DIPK1A: variants seen among roughly 807,000 people sequenced by gnomAD.
DIPK1A encodes the protein family with sequence similarity 69 member A.
Under a neutral mutation model 40.8 loss-of-function variants are expected in DIPK1A, and 27 were observed. That is an observed-to-expected ratio of 0.66 (90% CI 0.49 to 0.91). DIPK1A has a LOEUF of 0.91. DIPK1A is among the 40% of genes least tolerant of loss of function. The pLI is 0.00. For missense variants in DIPK1A, 412 were observed against 505.7 expected (o/e 0.81, Z 1.78); for synonymous variants, 166 against 171.3 (o/e 0.97, Z 0.24).
intron 1 of DIPK1A, chr1:92,932,120 A>G: frequency 3.5e-6 from 1 of 286,398 alleles, no homozygotes; most frequent in Non-Finnish European, 7.4e-6. Context: ...AGAATCTACG[A>G]GCTCGCAAAT....
intron 1 of DIPK1A, among the ~76,000 whole-genome samples, chr1:92,919,462 G>T (rs1237002752): frequency 6.6e-6 from 1 of 151,822 alleles, no homozygotes; most frequent in Non-Finnish European, 1.5e-5. Flanking sequence ...TTCTTCTTTC[G>T]AAGTACCTTT....
At chr1:92,834,657 A>T in intron 4 of DIPK1A, 1 of 1,332,414 alleles carries the variant, frequency 7.5e-7, no homozygotes, top group Non-Finnish European at 1.1e-6. Context: ...TAAGAGTCTT[A>T]AGCATTTTAA....
intron 1 of DIPK1A, among the ~76,000 whole-genome samples, chr1:92,953,516 G>A (rs1337173936): frequency 4.6e-5 from 7 of 152,118 alleles, no homozygotes; most frequent in East Asian, 1.9e-4. Flanking sequence ...AATGTTCATC[G>A]ACTAATGAAT....
At chr1:92,891,535 A>C (rs1277112716) in intron 1 of DIPK1A, among the ~76,000 whole-genome samples, 2 of 152,160 alleles carry the variant, frequency 1.3e-5, no homozygotes, top group African/African-American at 4.8e-5. Context: ...GGGTGGAGCC[A>C]AGATGGCCGA....
intron 1 of DIPK1A, among the ~76,000 whole-genome samples, chr1:92,927,825 T>C (rs763465931): frequency 1.3e-5 from 2 of 152,250 alleles, no homozygotes; most frequent in African/African-American, 2.4e-5. Context: ...TCCCACTGTA[T>C]GGATATACCA....
intron 3 of DIPK1A, among the ~76,000 whole-genome samples, chr1:92,850,127 C>T (rs1687769530): frequency 6.6e-6 from 1 of 152,006 alleles, no homozygotes; most frequent in African/African-American, 2.4e-5. Context: ...TGTGCCACCA[C>T]ACCTGGCATT....
At chr1:92,870,457 C>T (rs1468179958) in intron 2 of DIPK1A, among the ~76,000 whole-genome samples, 1 of 152,178 alleles carries the variant, frequency 6.6e-6, no homozygotes, top group Non-Finnish European at 1.5e-5. Context: ...CACTCCTGAC[C>T]TCAGGTGATC....
At chr1:92,926,895 A>G (rs1445676765) in intron 1 of DIPK1A, among the ~76,000 whole-genome samples, 1 of 152,198 alleles carries the variant, frequency 6.6e-6, no homozygotes. Flanking sequence ...TGTTAAGTGC[A>G]TGCCTTGCAG....
At chr1:92,903,928 A>G (rs1238566489) in intron 1 of DIPK1A, among the ~76,000 whole-genome samples, 1 of 152,232 alleles carries the variant, frequency 6.6e-6, no homozygotes, top group Admixed American at 6.5e-5. Flanking sequence ...TCAGTTTGAT[A>G]GTAAAATGTT....
intron 1 of DIPK1A, among the ~76,000 whole-genome samples, chr1:92,951,826 T>C (rs761498269): frequency 6.6e-6 from 1 of 152,008 alleles, no homozygotes; most frequent in Non-Finnish European, 1.5e-5. Context: ...ATACAATGAA[T>C]ACTCTTATAC....
chr1:92,864,086 A>C (rs1273756316), intron 2 of DIPK1A, among the ~76,000 whole-genome samples: 2 of 152,130 alleles, frequency 1.3e-5, no homozygotes, highest in African/African-American at 2.4e-5. Context: ...ACAAAAAAAC[A>C]ACAAAAAAAC....
intron 1 of DIPK1A, among the ~76,000 whole-genome samples, chr1:92,960,659 G>C (rs899470974): frequency 1.3e-5 from 2 of 152,122 alleles, no homozygotes; most frequent in African/African-American, 4.8e-5. Context: ...ACATGACTGA[G>C]AATTACGTTT....
At chr1:92,834,508 C>T (rs767959756) in intron 4 of DIPK1A, among the ~76,000 whole-genome samples, 2 of 152,166 alleles carry the variant, frequency 1.3e-5, no homozygotes, top group Non-Finnish European at 2.9e-5. Flanking sequence ...TGTCTTCCTC[C>T]GTACCCAAGT....
chr1:92,834,977 G>C (rs1687060079), intron 4 of DIPK1A: 55 of 1,596,504 alleles, frequency 3.4e-5, no homozygotes, highest in Non-Finnish European at 4.6e-5. Context: ...TTTTCTGCAA[G>C]ATGTTTGTAC....
chr1:92,872,437 A>C (rs1647919725), intron 2 of DIPK1A, among the ~76,000 whole-genome samples: 1 of 151,870 alleles, frequency 6.6e-6, no homozygotes, highest in South Asian at 2.1e-4. Flanking sequence ...TGTTTTACCT[A>C]TTTCTTCTAC....
At chr1:92,864,116 A>T (rs1373741881) in intron 2 of DIPK1A, among the ~76,000 whole-genome samples, 1 of 152,172 alleles carries the variant, frequency 6.6e-6, no homozygotes, top group Non-Finnish European at 1.5e-5. Flanking sequence ...TCCAAGTAGG[A>T]CTGGTTCAGT....
chr1:92,920,062 G>A (rs763732751), intron 1 of DIPK1A, among the ~76,000 whole-genome samples: 3 of 152,200 alleles, frequency 2.0e-5, no homozygotes, highest in Non-Finnish European at 2.9e-5. Flanking sequence ...AAAGATGCAT[G>A]AGACATGATA....
chr1:92,896,454 A>G lies in DIPK1A; in HGVS notation c.55-20024T>C, dbSNP rs1389484886. On this transcript the variant is annotated intron_variant, in intron 1 of 4. Transcript: ENST00000370310. ...TGCTGGAAAAACTGGCTAGCCATAT[A>G]TAGAAAGCTGAAACTGGATCCCTTC... 9.0e-4 allele frequency among the ~76,000 whole-genome samples: 132 copies of G among 146,560 alleles called. 1 individual carries two copies. The highest frequency in any genetic ancestry group is 2.9e-3 in the African/African-American group (112 of 39,298).
Position 92,843,849 on chromosome 1 carries a change from CCTATGG to C in DIPK1A, c.815_820del (p.Ala272_Ile273del). ...AACATCTTCCACAAATTCTAGAAGT[CCTATGG>C]CTATTTTGGCCTTTCTTGGCCATGA... On this transcript the variant is annotated inframe_deletion, in exon 5 of 5. Coordinates refer to ENST00000370310, the MANE Select transcript of DIPK1A (RefSeq NM_001006605.5). 1 of 1,551,782 alleles carries C rather than the reference CCTATGG, an allele frequency of 6.4e-7. No homozygotes were observed. The highest frequency in any genetic ancestry group is 8.7e-7 in the Non-Finnish European group (1 of 1,147,018).
Sources: gnomAD v4.1 joint callset for allele counts (sites outside exome capture counted in the v4.1 genomes callset) on GRCh38, gnomAD v4.1.1 for gene constraint, MANE v1.5 for transcripts, NCBI Gene and HGNC (gene_info 2026-07-23, HGNC 2026-07-21) for gene names.